G6PC2: variants seen among roughly 807,000 people sequenced by gnomAD.
G6PC2 encodes the protein glucose-6-phosphatase 2.
A neutral mutation model predicts 35.4 loss-of-function variants in G6PC2; 41 were observed. The ratio of observed to expected loss-of-function variants is 1.16; its 90% confidence interval spans 0.90 to 1.50. The LOEUF (loss-of-function observed/expected upper bound fraction) is 1.50, where lower values mean the gene tolerates loss of function less well. Among genes scored for constraint, G6PC2 ranks in the 40% most tolerant of loss-of-function variants. The pLI is 0.00. For missense variants in G6PC2, 441 were observed against 426.5 expected (o/e 1.03, Z -0.30); for synonymous variants, 165 against 153.2 (o/e 1.08, Z -0.57).
chr2:168,906,017 T>G (rs1690700825), intron 3 of G6PC2, among the ~76,000 whole-genome samples: 1 of 150,262 alleles, frequency 6.7e-6, no homozygotes, highest in Admixed American at 6.7e-5. Context: ...CATTGCTGTT[T>G]TTAATCCAAA....
chr2:168,906,610 T>G, intron 3 of G6PC2, 54 bp from the exon 4 acceptor site: 1 of 853,726 alleles, frequency 1.2e-6, no homozygotes, highest in Non-Finnish European at 2.1e-6. Context: ...CCCTCTAATT[T>G]TGAGTGATCC....
Position 168,901,524 on chromosome 2 carries a change from G to A in G6PC2, c.193G>A (p.Asp65Asn). ...TKMIWVAVIGDWLNLIFKWIL... is the reference protein window; with the variant it reads ...TKMIWVAVIGNWLNLIFKWIL... ...GATGATATGGGTAGCAGTCATTGGG[G>A]ATTGGTTAAATCTTATATTTAAATG... The change falls in exon 1 of 5, where the codon GAT becomes AAT. Residue 65 changes from aspartate (D) to asparagine (N), a missense_variant. Coordinates refer to ENST00000375363, the MANE Select transcript of G6PC2 (RefSeq NM_021176.3). The A allele has an allele frequency of 3.2e-6, 5 of 1,550,424 alleles. No individual in the cohort carries two copies. Among genetic ancestry groups the A allele is most frequent in the Non-Finnish European group, 3.6e-6 (4 of 1,122,320 alleles).
Position 168,909,171 on chromosome 2 carries a change from C to T in G6PC2, c.*1092C>T, listed in dbSNP as rs890497241. 6.6e-6 allele frequency: 1 copy of T among 152,144 alleles called. No individual in the cohort carries two copies. The highest frequency in any genetic ancestry group is 2.4e-5 in the African/African-American group (1 of 41,438). 9.4% of individuals were successfully genotyped at this position (152,144 alleles called of 1,614,324 possible). A position where few individuals can be genotyped will look rare whatever the true frequency, so the allele number is the denominator to read the frequency against. On this transcript the variant is annotated 3_prime_UTR_variant, in exon 5 of 5. Transcript: ENST00000375363. ...TTGACTTATACCCCACACATACATGCAGGGTCTAGGTGGGACCAACAGTGG... is the reference window on the plus strand; with the variant it reads ...TTGACTTATACCCCACACATACATGTAGGGTCTAGGTGGGACCAACAGTGG...
Position 168,902,526 on chromosome 2 carries a change from G to C in G6PC2, c.300G>C (p.Gln100His), listed in dbSNP as rs1249308729. ...YPNHSSPCLE[Q>H]FPTTCETGPG... ...ATCACTCAAGTCCATGCCTTGAACA[G>C]TTCCCTACTACATGTGAAACAGGTC... Residue 100 changes from glutamine to histidine, a missense_variant, in exon 2 of 5, where the codon CAG becomes CAC. Gln to His is a conservative substitution (Grantham distance 24). Coordinates refer to ENST00000375363, the MANE Select transcript of G6PC2 (RefSeq NM_021176.3). The C allele has an allele frequency of 5.2e-6, 8 of 1,547,858 alleles. No homozygotes were observed. Among genetic ancestry groups the C allele is most frequent in the Non-Finnish European group, 5.4e-6 (6 of 1,119,690 alleles).
intron 2 of G6PC2, 77 bp downstream of exon 2, chr2:168,902,631 C>T (rs1690624609): frequency 1.3e-6 from 1 of 780,752 alleles, no homozygotes; most frequent in African/African-American, 1.7e-5. Context: ...CATCTAGGAA[C>T]TGATATTATA....
Position 168,907,996 on chromosome 2 carries a change from G to T in G6PC2, c.985G>T (p.Ala329Ser). Residue 329 changes from alanine (A) to serine (S), a missense_variant, in exon 5 of 5, where the codon GCA becomes TCA. Transcript: ENST00000375363. ...LFYVLSFCKS[A>S]SIPLTVVAFI... ...TTATGTGCTGTCTTTTTGTAAAAGT[G>T]CATCCATTCCCCTAACTGTGGTTGC... 1 of 1,612,886 alleles carries T rather than the reference G, an allele frequency of 6.2e-7. No individual in the cohort carries two copies. The highest frequency in any genetic ancestry group is 1.3e-5 in the African/African-American group (1 of 75,016).
Position 168,907,763 on chromosome 2 carries a change from T to C in G6PC2, c.752T>C (p.Ile251Thr), listed in dbSNP as rs759289035. 9.3e-6 allele frequency: 15 copies of C among 1,613,990 alleles called. No individual in the cohort carries two copies. The African/African-American group carries it at 1.3e-4, about 14-fold the overall frequency. ...TGTGCTAACCCCGACTGGATCCACA[T>C]TGACACCACGCCTTTTGCTGGACTC... is the stretch of plus-strand genomic sequence containing the variant. ...KWCANPDWIH[I>T]DTTPFAGLVR... The change falls in exon 5 of 5, where the codon ATT becomes ACT. Residue 251 changes from isoleucine (I) to threonine (T), a missense_variant. Physicochemically the swap from Ile to Thr is moderately conservative, Grantham distance 89 (BLOSUM62 -1). Transcript: ENST00000375363.
chr2:168,909,704 T>G lies in G6PC2; in HGVS notation c.*1625T>G, dbSNP rs996913986. ...TTTGAGGCAGATTTTGCTAGATATC[T>G]TAGTAATCCCCCACAATGTTTTATG... On this transcript the variant is annotated 3_prime_UTR_variant, in exon 5 of 5. Coordinates refer to ENST00000375363, the MANE Select transcript of G6PC2 (RefSeq NM_021176.3). 4.7e-4 allele frequency: 71 copies of G among 152,338 alleles called. No individual in the cohort carries two copies. In the East Asian group the frequency reaches 0.013, roughly 27 times the overall value. 9.4% of individuals were successfully genotyped at this position (152,338 alleles called of 1,614,324 possible). A position where few individuals can be genotyped will look rare whatever the true frequency, so the allele number is the denominator to read the frequency against.
intron 1 of G6PC2, among the ~76,000 whole-genome samples, chr2:168,901,928 GT>G (rs201109616): frequency 0.021 from 3,135 of 152,088 alleles, 44 homozygotes; most frequent in Middle Eastern, 0.048. Flanking sequence ...TAGAGACAGG[GT>G]TTCTCTATGT....
At chr2:168,901,751 T>C (rs2105849906) in intron 1 of G6PC2, among the ~76,000 whole-genome samples, 1 of 151,986 alleles carries the variant, frequency 6.6e-6, no homozygotes, top group South Asian at 2.1e-4. Flanking sequence ...TTTTTTTTTT[T>C]TTGAGACAGA....
At chr2:168,904,064 G>C (rs1001614628) in intron 2 of G6PC2, among the ~76,000 whole-genome samples, 3 of 152,026 alleles carry the variant, frequency 2.0e-5, no homozygotes, top group Admixed American at 2.0e-4. Flanking sequence ...GCCAACTGAA[G>C]ATCCAATACA....
In G6PC2 at chr2:168,902,432, T is replaced by C. The variant is rs773597637; in HGVS notation, c.219-13T>C. On this transcript the variant is annotated splice_polypyrimidine_tract_variant and intron_variant, in intron 1 of 4. Transcript: ENST00000375363. The stretch of plus-strand genomic sequence containing the variant: ...TTAAATATATATGCATGTTTATAAT[T>C]CTTTAAATACAGGATATTATTTGGT... 6 of 1,015,136 alleles carry C rather than the reference T, an allele frequency of 5.9e-6. No individual in the cohort carries two copies. In the South Asian group the frequency reaches 6.3e-5, roughly 11 times the overall value. 62.9% of individuals were successfully genotyped at this position (1,015,136 alleles called of 1,614,324 possible). A position where few individuals can be genotyped will look rare whatever the true frequency, so the allele number is the denominator to read the frequency against.
chr2:168,908,180 C>A lies in G6PC2; in HGVS notation c.*101C>A. The stretch of plus-strand genomic sequence containing the variant: ...AGACCAGAGGCTTCTAATCCGACTT[C>A]ACAGAATAGCGGCACAGGCCCCATT... On this transcript the variant is annotated 3_prime_UTR_variant, in exon 5 of 5. Coordinates refer to ENST00000375363, the MANE Select transcript of G6PC2 (RefSeq NM_021176.3). The A allele has an allele frequency of 1.0e-6, 1 of 981,326 alleles. No individual in the cohort carries two copies. Among genetic ancestry groups the A allele is most frequent in the Non-Finnish European group, 1.6e-6 (1 of 613,838 alleles). The allele number at this position is 981,326 out of a possible 1,614,324, so 60.8% of individuals were successfully genotyped here. A position where few individuals can be genotyped will look rare whatever the true frequency, so the allele number is the denominator to read the frequency against.
chr2:168,904,542 C>T lies in G6PC2; in HGVS notation c.366C>T (p.Val122=), dbSNP rs1412070528. 1 of 1,612,376 alleles carries T rather than the reference C, an allele frequency of 6.2e-7. No homozygotes were observed. The highest frequency in any genetic ancestry group is 1.3e-5 in the African/African-American group (1 of 74,996). The change falls in exon 3 of 5, where the codon GTC becomes GTT. Residue 122 remains valine (V), a synonymous_variant. Coordinates refer to ENST00000375363, the MANE Select transcript of G6PC2 (RefSeq NM_021176.3). ...PSGHAMGASC[V]WYVMVTAALS... ...GCCATGCAATGGGCGCATCCTGTGT[C>T]TGGTATGTCATGGTAACCGCTGCCC... is the stretch of plus-strand genomic sequence containing the variant.
chr2:168,907,827 A>C lies in G6PC2; in HGVS notation c.816A>C (p.Ala272=), dbSNP rs767317043. ...NLGVLFGLGF[A]INSEMFLLSC... is the part of the protein sequence containing the mutation. ...GGGTCCTCTTTGGCTTGGGCTTTGC[A>C]ATCAACTCAGAGATGTTCCTCCTGA... The change falls in exon 5 of 5, where the codon GCA becomes GCC. Residue 272 remains alanine, a synonymous_variant. Coordinates refer to ENST00000375363, the MANE Select transcript of G6PC2 (RefSeq NM_021176.3). 1 of 1,614,086 alleles carries C rather than the reference A, an allele frequency of 6.2e-7. No individual in the cohort carries two copies. The highest frequency in any genetic ancestry group is 8.5e-7 in the Non-Finnish European group (1 of 1,180,014).
intron 2 of G6PC2, among the ~76,000 whole-genome samples, chr2:168,904,081 A>T (rs1379465642): frequency 6.6e-6 from 1 of 152,094 alleles, no homozygotes. Flanking sequence ...TACAAGCATT[A>T]GGGTGGTGCA....
chr2:168,905,547 A>G (rs1034918776), intron 3 of G6PC2, among the ~76,000 whole-genome samples: 9 of 152,294 alleles, frequency 5.9e-5, no homozygotes, highest in African/African-American at 2.2e-4. Flanking sequence ...CAAAACAACA[A>G]CATAAAAAGG....
chr2:168,907,493 T>G, intron 4 of G6PC2, 75 bp from the exon 5 acceptor site: 1 of 1,421,570 alleles, frequency 7.0e-7, no homozygotes, highest in East Asian at 2.3e-5. Flanking sequence ...TGGCAAATCT[T>G]TAATGCAGAG....
At chr2:168,903,205 T>A (rs1690637244) in intron 2 of G6PC2, among the ~76,000 whole-genome samples, 1 of 152,222 alleles carries the variant, frequency 6.6e-6, no homozygotes, top group African/African-American at 2.4e-5. Flanking sequence ...TATTTAAAAA[T>A]TACATTTTAA....
Sources: allele counts gnomAD v4.1 joint callset (sites outside exome capture counted in the v4.1 genomes callset), GRCh38; gene constraint gnomAD v4.1.1; transcripts MANE v1.5; gene names NCBI Gene and HGNC (gene_info 2026-07-23, HGNC 2026-07-21).